The following RBM34 variants were observed in gnomAD, a reference collection of about 807,000 sequenced individuals.
The protein encoded by RBM34 is RNA-binding protein 34.
Under a neutral mutation model 44.6 loss-of-function variants are expected in RBM34, and 39 were observed. The ratio of observed to expected loss-of-function variants is 0.87; its 90% CI spans 0.68 to 1.14. RBM34 has a LOEUF of 1.14. Ranked by LOEUF, RBM34 falls within the 50% of genes most tolerant of loss-of-function variation. The pLI, the probability that RBM34 is intolerant of heterozygous loss-of-function variation, is 0.00. For synonymous variants in RBM34, 194 were observed against 184.0 expected (o/e 1.05, Z -0.44); for missense variants, 572 against 517.9 (o/e 1.10, Z -1.01).
At chr1:235,160,219 T>C (rs1205920481) in intron 3 of RBM34, 2 of 514,210 alleles carry the variant, frequency 3.9e-6, no homozygotes, top group East Asian at 1.0e-4. Flanking sequence ...TGCACTCTAC[T>C]GCAGCCTGGG....
At position 235,131,489 on chromosome 1, in the gene RBM34, C is replaced by T. The variant is rs114515010; in HGVS notation, c.*224G>A. 1,298 of 468,662 alleles carry T rather than the reference C, an allele frequency of 2.8e-3. 13 individuals carry two copies. The highest frequency in any genetic ancestry group is 0.023 in the African/African-American group (1,161 of 50,738). 29.0% of individuals were successfully genotyped at this position (468,662 alleles called of 1,614,324 possible). The stretch of plus-strand genomic sequence containing the variant: ...CGCCACTGCACTCCAGCCTGGGAGA[C>T]AACAGCCAAACTCCATCTCAAAAAA... On this transcript the variant is annotated 3_prime_UTR_variant, in exon 11 of 11. Transcript: ENST00000408888.
chr1:235,155,745 T>C (rs1017344637), intron 3 of RBM34, among the ~76,000 whole-genome samples: 1 of 143,414 alleles, frequency 7.0e-6, no homozygotes, highest in Non-Finnish European at 1.5e-5. Flanking sequence ...CCTCAAGTTA[T>C]CTGCCCACCT....
chr1:235,132,671 T>C (rs753802313), intron 10 of RBM34, among the ~76,000 whole-genome samples: 5 of 152,032 alleles, frequency 3.3e-5, no homozygotes, highest in Non-Finnish European at 5.9e-5. Flanking sequence ...CAAAGCCCCA[T>C]TGTATTAGCT....
intron 6 of RBM34, among the ~76,000 whole-genome samples, chr1:235,140,157 C>G (rs1661612594): frequency 6.6e-6 from 1 of 152,248 alleles, no homozygotes; most frequent in Non-Finnish European, 1.5e-5. Context: ...CTCTCCGCAC[C>G]TCCTCTGCCT....
intron 4 of RBM34, among the ~76,000 whole-genome samples, chr1:235,154,256 AAAG>A (rs1447432724): frequency 2.0e-5 from 3 of 148,490 alleles, no homozygotes; most frequent in Non-Finnish European, 1.5e-5. Flanking sequence ...AAAAAAAAAA[AAAG>A]AGAGAGAGAG....
intron 6 of RBM34, among the ~76,000 whole-genome samples, chr1:235,142,800 C>T (rs927787230): frequency 2.0e-5 from 3 of 151,190 alleles, no homozygotes; most frequent in East Asian, 2.0e-4. Flanking sequence ...TGGTGGCGCA[C>T]GCTTGTAATC....
chr1:235,135,988 T>A (rs1426011052), intron 9 of RBM34, 46 bp downstream of exon 9: 108 of 1,440,314 alleles, frequency 7.5e-5, no homozygotes, highest in Admixed American at 1.4e-4. Flanking sequence ...TATTTCCTTG[T>A]TATTTATTTA....
intron 5 of RBM34, 100 bp downstream of exon 5, chr1:235,152,606 G>T (rs1662211353): frequency 3.3e-6 from 5 of 1,535,372 alleles, no homozygotes; most frequent in Middle Eastern, 1.8e-4. Context: ...TGATTCAAAA[G>T]GTTAAAGTGC....
chr1:235,159,547 CAAA>C (rs1184312990), intron 3 of RBM34, among the ~76,000 whole-genome samples: 3 of 89,866 alleles, frequency 3.3e-5, no homozygotes, highest in Non-Finnish European at 4.7e-5. Context: ...GACTCCAGCT[CAAA>C]AAAAAAAAAA....
intron 4 of RBM34, among the ~76,000 whole-genome samples, chr1:235,154,258 AG>A (rs201324447): frequency 0.15 from 23,019 of 148,692 alleles, 1,888 homozygotes; most frequent in Middle Eastern, 0.22. Context: ...AAAAAAAAAA[AG>A]AGAGAGAGAG....
intron 5 of RBM34, among the ~76,000 whole-genome samples, chr1:235,151,865 C>A (rs138269784): frequency 8.4e-4 from 127 of 151,724 alleles, no homozygotes; most frequent in Non-Finnish European, 1.6e-3. Context: ...AAACCCTGTC[C>A]GGACTAAAAA....
chr1:235,157,026 C>T (rs1662479062), intron 3 of RBM34, among the ~76,000 whole-genome samples: 1 of 152,188 alleles, frequency 6.6e-6, no homozygotes, highest in Admixed American at 6.6e-5. Flanking sequence ...TATAAAGTAC[C>T]TAGCAGGTGT....
intron 10 of RBM34, among the ~76,000 whole-genome samples, chr1:235,132,477 T>G (rs993757763): frequency 3.3e-5 from 5 of 152,038 alleles, no homozygotes; most frequent in Non-Finnish European, 7.4e-5. Context: ...CCCAGCTAAT[T>G]TTTGTATTTT....
chr1:235,137,160 T>C (rs924136226), intron 8 of RBM34, among the ~76,000 whole-genome samples: 2 of 152,198 alleles, frequency 1.3e-5, no homozygotes. Flanking sequence ...ATAGTACTTA[T>C]ACAACAGTGA....
chr1:235,156,451 C>T, intron 3 of RBM34: 1 of 269,696 alleles, frequency 3.7e-6, no homozygotes. Flanking sequence ...CTACTCTAGA[C>T]CTTTAGGGGC....
Position 235,161,214 on chromosome 1 carries a change from C to T in RBM34, c.13G>A (p.Gly5Arg). Residue 5 changes from glycine to arginine, a missense_variant, in exon 1 of 11, where the codon GGG becomes AGG. Physicochemically the swap from Gly to Arg is moderately radical, Grantham distance 125. Transcript: ENST00000408888. ...CTCTTTCTCTTCCGTTTGCTCATCC[C>T]TTCCAAGGCCATTCTTACTCCAAAG... MALE[G>R]MSKRKRKRSV... 4 of 1,612,760 alleles carry T rather than the reference C, an allele frequency of 2.5e-6. No individual in the cohort carries two copies. The highest frequency in any genetic ancestry group is 2.2e-5 in the East Asian group (1 of 44,872).
Position 235,152,752 on chromosome 1 carries a change from AACG to A in RBM34, c.608_610del (p.Ser203del). On this transcript the variant is annotated inframe_deletion, in exon 5 of 11. Transcript: ENST00000408888. Reference sequence around the variant, plus strand: ...TTCTATTTGTCCATACTCTTTAAAAAACGACTTCAGCTTCTAAAATTAAAAAAA... The same window carrying A: ...TTCTATTTGTCCATACTCTTTAAAAAACTTCAGCTTCTAAAATTAAAAAAA... 6 of 1,586,244 alleles carry A rather than the reference AACG, an allele frequency of 3.8e-6. No homozygotes were observed. The highest frequency in any genetic ancestry group is 2.4e-5 in the South Asian group (2 of 84,744).
chr1:235,144,414 G>A (rs931187476), intron 6 of RBM34, among the ~76,000 whole-genome samples: 3 of 150,606 alleles, frequency 2.0e-5, no homozygotes, highest in African/African-American at 7.4e-5. Context: ...CTATGGCAGT[G>A]GTTTCAAGAT....
At chr1:235,136,095 TA>T (rs1661416451) in intron 8 of RBM34, 22 bp from the exon 9 acceptor site, 1 of 1,585,226 alleles carries the variant, frequency 6.3e-7, no homozygotes, top group East Asian at 2.2e-5. Context: ...AGACAGTTAA[TA>T]AAAATCACTC....
Sources: allele counts gnomAD v4.1 joint callset (sites outside exome capture counted in the v4.1 genomes callset), GRCh38; gene constraint gnomAD v4.1.1; transcripts MANE v1.5; gene names NCBI Gene and HGNC (gene_info 2026-07-23, HGNC 2026-07-21).